CACNA1C: variants seen among roughly 807,000 people sequenced by gnomAD.
CACNA1C encodes voltage-dependent L-type calcium channel subunit alpha-1C.
A neutral mutation model predicts 229.0 loss-of-function variants in CACNA1C; 30 were observed. The observed-to-expected ratio is 0.13, with a 90% CI of 0.10 to 0.18. CACNA1C has a LOEUF of 0.18. Among genes scored for constraint, CACNA1C ranks in the 10% least tolerant of loss-of-function variants. The pLI is 1.00. For synonymous variants in CACNA1C, 1,114 were observed against 1,132.5 expected, an observed-to-expected ratio of 0.98 and a Z score of 0.33; for missense variants, 1,658 against 2,845.0, an observed-to-expected ratio of 0.58 and a Z score of 9.49.
intron 1 of CACNA1C, among the ~76,000 whole-genome samples, chr12:2,096,572 T>C (rs1049310976): frequency 1.3e-5 from 2 of 152,226 alleles, no homozygotes; most frequent in African/African-American, 4.8e-5. Context: ...GAGGTAACTT[T>C]TTGTTATGGT....
At chr12:2,189,029 C>T (rs369112197) in intron 3 of CACNA1C, among the ~76,000 whole-genome samples, 1 of 139,362 alleles carries the variant, frequency 7.2e-6, no homozygotes, top group Non-Finnish European at 1.5e-5. Context: ...GGAGGCGGAG[C>T]TTGCAGTGAG....
intron 3 of CACNA1C, among the ~76,000 whole-genome samples, chr12:2,334,927 A>G (rs1356003980): frequency 6.6e-6 from 1 of 152,140 alleles, no homozygotes; most frequent in South Asian, 2.1e-4. Context: ...TTAAATGTCT[A>G]AGCTTCATTA....
chr12:2,453,572 A>T (rs563831334), intron 4 of CACNA1C, among the ~76,000 whole-genome samples: 2 of 152,140 alleles, frequency 1.3e-5, no homozygotes, highest in Non-Finnish European at 2.9e-5. Flanking sequence ...CTTGGTTGCC[A>T]CGAAAAGCCC....
At chr12:2,554,303 A>T (rs1264825106) in intron 10 of CACNA1C, among the ~76,000 whole-genome samples, 4 of 152,174 alleles carry the variant, frequency 2.6e-5, no homozygotes, top group Non-Finnish European at 2.9e-5. Context: ...CTGGGGTTGC[A>T]TGAACTTCAG....
chr12:2,430,120 A>G (rs1357302511), intron 3 of CACNA1C, among the ~76,000 whole-genome samples: 1 of 152,078 alleles, frequency 6.6e-6, no homozygotes, highest in Admixed American at 6.6e-5. Context: ...GGAAGGGGTG[A>G]GCTAGCTCTC....
At chr12:2,088,567 G>T (rs1247138917) in intron 1 of CACNA1C, among the ~76,000 whole-genome samples, 1 of 152,188 alleles carries the variant, frequency 6.6e-6, no homozygotes, top group Admixed American at 6.5e-5. Flanking sequence ...AAAATCATGA[G>T]AACAGGGTCT....
chr12:2,504,403 T>G lies in CACNA1C; in HGVS notation c.1114-439T>G. Reference sequence around the variant, plus strand: ...CCTCTTTGCTGTAACCCAATTCTGCTTCTTCTTTCCTAACTTTCCTTCGTC... The same window carrying G: ...CCTCTTTGCTGTAACCCAATTCTGCGTCTTCTTTCCTAACTTTCCTTCGTC... On this transcript the variant is annotated intron_variant, in intron 7 of 46. Coordinates refer to ENST00000399655, the MANE Select transcript of CACNA1C (RefSeq NM_000719.7). This position sits in a 1 kb window ranked among gnomAD's most constrained non-coding sequence, Gnocchi z 6.8. 7.7e-7 allele frequency: 1 copy of G among 1,304,372 alleles called. No individual in the cohort carries two copies. The highest frequency in any genetic ancestry group is 1.1e-6 in the Non-Finnish European group (1 of 897,834). The allele number at this position is 1,304,372 out of a possible 1,614,324, so 80.8% of individuals were successfully genotyped here.
At chr12:2,561,810 C>T (rs1476341696) in intron 11 of CACNA1C, among the ~76,000 whole-genome samples, 1 of 152,174 alleles carries the variant, frequency 6.6e-6, no homozygotes, top group African/African-American at 2.4e-5. Context: ...ATGGAAGGTT[C>T]TATTTCTAGA....
chr12:2,109,085 T>C (rs2080492470), intron 1 of CACNA1C, among the ~76,000 whole-genome samples: 1 of 152,224 alleles, frequency 6.6e-6, no homozygotes, highest in Non-Finnish European at 1.5e-5. Context: ...TCACCCTCTC[T>C]AAATCGATGT....
chr12:1,993,586 A>G (rs1282607545), intron 1 of CACNA1C, among the ~76,000 whole-genome samples: 1 of 151,432 alleles, frequency 6.6e-6, no homozygotes, highest in Admixed American at 6.6e-5. Context: ...CAGCACTGGC[A>G]TGATGATTCA....
At chr12:2,203,425 G>C (rs2097657906) in intron 3 of CACNA1C, among the ~76,000 whole-genome samples, 2 of 152,118 alleles carry the variant, frequency 1.3e-5, no homozygotes, top group Admixed American at 6.5e-5. Context: ...TGAAGGTTTA[G>C]GATCCTTGGC....
chr12:2,299,061 G>A (rs945028121), intron 3 of CACNA1C, among the ~76,000 whole-genome samples: 17 of 152,210 alleles, frequency 1.1e-4, no homozygotes, highest in Admixed American at 2.6e-4. Flanking sequence ...AAATTAGCCC[G>A]AGCTGTTAAG....
intron 5 of CACNA1C, among the ~76,000 whole-genome samples, chr12:2,469,581 G>A (rs926339837): frequency 1.3e-5 from 2 of 152,128 alleles, no homozygotes; most frequent in African/African-American, 2.4e-5. Context: ...GTTCTAAGCT[G>A]GGATAATTCT....
intron 3 of CACNA1C, among the ~76,000 whole-genome samples, chr12:2,446,199 G>GTAGATGGA (rs2099276567): frequency 7.3e-6 from 1 of 136,908 alleles, no homozygotes; most frequent in African/African-American, 2.8e-5. Flanking sequence ...AGGTGGGTGG[G>GTAGATGGA]TGGATGGATG....
At chr12:1,982,678 A>T (rs1244657505) in intron 1 of CACNA1C, among the ~76,000 whole-genome samples, 1 of 152,074 alleles carries the variant, frequency 6.6e-6, no homozygotes. Context: ...TACTATAAAC[A>T]TTTTTTTGTT....
At chr12:2,291,663 C>G (rs968733603) in intron 3 of CACNA1C, among the ~76,000 whole-genome samples, 1 of 152,192 alleles carries the variant, frequency 6.6e-6, no homozygotes, top group South Asian at 2.1e-4. Context: ...AGGCCACTTG[C>G]AAATGGCAGC....
In CACNA1C at chr12:2,651,799, GA is replaced by G. The variant is rs34428885; in HGVS notation, c.4074+33del. The stretch of plus-strand genomic sequence containing the variant: ...CGCCCCTCATGTCCTGCGGCCCGGG[GA>G]ATCGCAGGGCTGCCGCGTGGCCCAG... On this transcript the variant is annotated intron_variant, in intron 32 of 46. Coordinates refer to ENST00000399655, the MANE Select transcript of CACNA1C (RefSeq NM_000719.7). This position sits in a 1 kb window ranked among gnomAD's most constrained non-coding sequence, Gnocchi z 5.4. The G allele has an allele frequency of 0.3, 460,870 of 1,561,018 alleles. 73,617 individuals are homozygous for G. The highest frequency in any genetic ancestry group is 0.6 in the African/African-American group (44,691 of 74,000).
chr12:2,272,535 G>A (rs952944148), intron 3 of CACNA1C, among the ~76,000 whole-genome samples: 2 of 152,196 alleles, frequency 1.3e-5, no homozygotes, highest in African/African-American at 2.4e-5. Context: ...GGATTTGCCT[G>A]TAAATTTGCT....
chr12:2,606,075 C>G (rs901499304), intron 24 of CACNA1C, among the ~76,000 whole-genome samples: 3 of 152,148 alleles, frequency 2.0e-5, no homozygotes, highest in East Asian at 1.9e-4. Flanking sequence ...TCCTGTGGAA[C>G]CTCTGTGTCA....
Sources: allele counts gnomAD v4.1 joint callset (sites outside exome capture counted in the v4.1 genomes callset), GRCh38; gene constraint gnomAD v4.1.1; non-coding constraint Gnocchi (gnomAD v3.1); transcripts MANE v1.5; gene names NCBI Gene and HGNC (gene_info 2026-07-23, HGNC 2026-07-21).